Variants in SHISA9 observed in about 807,000 individuals in gnomAD.
The protein encoded by SHISA9 is protein shisa-9.
In SHISA9, 13 loss-of-function variants were observed where a neutral mutation model predicts 38.0. The ratio of observed to expected loss-of-function variants is 0.34; its 90% CI spans 0.22 to 0.54. The LOEUF (loss-of-function observed/expected upper bound fraction) is 0.54. SHISA9 is among the 20% of genes least tolerant of loss of function. The probability of loss-of-function intolerance (pLI) is 0.91; values close to 1 mark genes in which losing one functional copy is unlikely to be tolerated. For synonymous variants in SHISA9, 275 were observed against 242.0 expected (o/e 1.14, Z -1.27); for missense variants, 538 against 575.8 (o/e 0.93, Z 0.67).
chr16:13,329,971 T>C, the SHISA9 span, among the ~76,000 whole-genome samples: 1 of 152,212 alleles, frequency 6.6e-6, no homozygotes, highest in East Asian at 1.9e-4. Context: ...TATATTGTAT[T>C]GTAGGAAACA....
intron 2 of SHISA9, among the ~76,000 whole-genome samples, chr16:13,108,453 T>C (rs2073947642): frequency 6.6e-6 from 1 of 152,060 alleles, no homozygotes; most frequent in African/African-American, 2.4e-5. Flanking sequence ...TTTTGGAGTC[T>C]TGGGGTCTTG....
chr16:13,456,095 T>C, the SHISA9 span, among the ~76,000 whole-genome samples: 15 of 152,338 alleles, frequency 9.8e-5, no homozygotes, highest in Admixed American at 6.5e-4. Context: ...AAAATCATTT[T>C]AGATGTAAGG....
the SHISA9 span, among the ~76,000 whole-genome samples, chr16:13,271,055 C>T: frequency 2.0e-5 from 3 of 152,036 alleles, no homozygotes; most frequent in African/African-American, 2.4e-5. Flanking sequence ...GACCTCAGAC[C>T]CTGAGAAGGG....
chr16:13,398,136 T>C, the SHISA9 span, among the ~76,000 whole-genome samples: 2 of 152,036 alleles, frequency 1.3e-5, no homozygotes, highest in African/African-American at 4.8e-5. Flanking sequence ...CCTACTAGGG[T>C]CTTGGGTTTT....
chr16:13,205,559 G>A (rs1476136152), intron 3 of SHISA9, among the ~76,000 whole-genome samples: 1 of 152,164 alleles, frequency 6.6e-6, no homozygotes, highest in African/African-American at 2.4e-5. Context: ...CCCTTTTTAA[G>A]GTCTCAGTCT....
chr16:13,168,331 A>G (rs2050655678), intron 2 of SHISA9, among the ~76,000 whole-genome samples: 2 of 152,142 alleles, frequency 1.3e-5, no homozygotes, highest in Admixed American at 1.3e-4. Context: ...AAACATTCTT[A>G]CCTACACAAA....
chr16:13,549,889 C>T, the SHISA9 span, among the ~76,000 whole-genome samples: 3 of 151,788 alleles, frequency 2.0e-5, no homozygotes, highest in African/African-American at 4.8e-5. Flanking sequence ...TGGGCATGGT[C>T]GTAAGCGCCT....
the SHISA9 span, among the ~76,000 whole-genome samples, chr16:13,420,245 C>CA: frequency 0.15 from 7,306 of 50,286 alleles, 1,470 homozygotes; most frequent in Non-Finnish European, 0.18. Flanking sequence ...GAATCTGTTT[C>CA]AAAAAAAAAA....
chr16:13,119,356 A>G (rs550925627), intron 2 of SHISA9, among the ~76,000 whole-genome samples: 85 of 152,306 alleles, frequency 5.6e-4, no homozygotes, highest in African/African-American at 1.9e-3. Flanking sequence ...ATAACTCATC[A>G]TACAATTTCA....
the SHISA9 span, among the ~76,000 whole-genome samples, chr16:13,483,439 G>A: frequency 6.6e-6 from 1 of 152,178 alleles, no homozygotes; most frequent in South Asian, 2.1e-4. Context: ...ATACAAGGGA[G>A]CAGAGAACGG....
intron 2 of SHISA9, chr16:13,082,605 G>A (rs1394363494): frequency 1.3e-5 from 2 of 152,144 alleles, no homozygotes; most frequent in Non-Finnish European, 2.9e-5. Context: ...TGCCAGGAAG[G>A]TCAATCCTTA....
chr16:13,330,674 G>A, the SHISA9 span, among the ~76,000 whole-genome samples: 9 of 152,070 alleles, frequency 5.9e-5, no homozygotes, highest in Non-Finnish European at 8.8e-5. Flanking sequence ...TATTCTAATG[G>A]CTGCATAGTA....
chr16:13,271,771 G>T, the SHISA9 span, among the ~76,000 whole-genome samples: 4 of 151,312 alleles, frequency 2.6e-5, no homozygotes, highest in Non-Finnish European at 4.4e-5. Context: ...GGGATCTTAT[G>T]GGGGGGGTGT....
intron 2 of SHISA9, among the ~76,000 whole-genome samples, chr16:12,928,986 T>G (rs542515187): frequency 6.6e-6 from 1 of 152,302 alleles, no homozygotes; most frequent in South Asian, 2.1e-4. Flanking sequence ...CATGTTTTAA[T>G]GAACAGATAC....
At chr16:13,026,618 T>A (rs1273356277) in intron 2 of SHISA9, among the ~76,000 whole-genome samples, 1 of 152,178 alleles carries the variant, frequency 6.6e-6, no homozygotes, top group Non-Finnish European at 1.5e-5. Flanking sequence ...GTATGGTAGT[T>A]CTATGTTTAA....
At chr16:13,002,364 C>T (rs1021510768) in intron 2 of SHISA9, among the ~76,000 whole-genome samples, 2 of 152,092 alleles carry the variant, frequency 1.3e-5, no homozygotes, top group Non-Finnish European at 1.5e-5. Context: ...CACTGCTTGT[C>T]CCTGCAACCA....
chr16:13,498,069 C>G, the SHISA9 span, among the ~76,000 whole-genome samples: 625 of 151,382 alleles, frequency 4.1e-3, 12 homozygotes, highest in East Asian at 0.033. Flanking sequence ...AATAAAACAA[C>G]AAATTAAAAA....
Position 13,079,460 on chromosome 16 carries a change from G to T in SHISA9, c.692-123934G>T, listed in dbSNP as rs115917589. On this transcript the variant is annotated intron_variant, in intron 2 of 4. Transcript: ENST00000558583. ...GAAAGAAGCACAGAGAAAAAGGTAG[G>T]CCATTAAAAATGACAACATGAAACC... Among the ~76,000 whole-genome samples, 175 of 152,230 alleles carry T rather than the reference G, an allele frequency of 1.1e-3. 2 individuals are homozygous for T. Among genetic ancestry groups the T allele is most frequent in the African/African-American group, 4.1e-3 (172 of 41,534 alleles).
the SHISA9 span, among the ~76,000 whole-genome samples, chr16:13,391,880 G>C: frequency 6.6e-6 from 1 of 152,202 alleles, no homozygotes; most frequent in Non-Finnish European, 1.5e-5. Context: ...ACTATGAAAA[G>C]TCCATCTGTT....
Sources: gnomAD v4.1 joint callset for allele counts (sites outside exome capture counted in the v4.1 genomes callset) on GRCh38, gnomAD v4.1.1 for gene constraint, MANE v1.5 for transcripts, NCBI Gene and HGNC (gene_info 2026-07-23, HGNC 2026-07-21) for gene names.